NAALADL2: variants seen among roughly 807,000 people sequenced by gnomAD.
The protein encoded by NAALADL2 is N-acetylated alpha-linked acidic dipeptidase like 2.
NAALADL2 carries 76 observed loss-of-function variants against 87.2 expected under a neutral mutation model. The observed-to-expected ratio is 0.87, with a 90% CI of 0.72 to 1.05. The LOEUF is 1.05. NAALADL2 is among the 50% of genes least tolerant of loss of function. The pLI is 0.00. For missense variants in NAALADL2, 1,089 were observed against 945.8 expected (o/e 1.15, Z -1.99); for synonymous variants, 354 against 331.0 (o/e 1.07, Z -0.75).
chr3:175,756,649 T>C (rs1747298144), intron 13 of NAALADL2, among the ~76,000 whole-genome samples: 1 of 151,978 alleles, frequency 6.6e-6, no homozygotes, highest in African/African-American at 2.4e-5. Flanking sequence ...CAGAGAGAGA[T>C]AGACACTAGA....
At chr3:174,707,483 C>T (rs568643817) in intron 2 of NAALADL2, among the ~76,000 whole-genome samples, 50 of 152,196 alleles carry the variant, frequency 3.3e-4, no homozygotes, top group South Asian at 4.1e-4. Flanking sequence ...AGGATGAGTT[C>T]ATGTCCTTTG....
At chr3:175,024,352 A>G (rs546866884) in intron 1 of NAALADL2, among the ~76,000 whole-genome samples, 5 of 152,218 alleles carry the variant, frequency 3.3e-5, no homozygotes, top group Admixed American at 1.3e-4. Context: ...AGCAACAACA[A>G]CAGCAAGAAA....
intron 1 of NAALADL2, among the ~76,000 whole-genome samples, chr3:175,005,458 G>T (rs1217145912): frequency 2.6e-5 from 4 of 152,046 alleles, no homozygotes; most frequent in African/African-American, 9.7e-5. Context: ...GAACCTCCTT[G>T]TGAAAAGGGA....
At chr3:175,055,155 A>G (rs940468171) in intron 1 of NAALADL2, among the ~76,000 whole-genome samples, 3 of 152,260 alleles carry the variant, frequency 2.0e-5, no homozygotes, top group South Asian at 2.1e-4. Flanking sequence ...GGTTCACCCA[A>G]TAAGCTGCTT....
At chr3:175,492,287 G>C (rs888163985) in intron 9 of NAALADL2, among the ~76,000 whole-genome samples, 1 of 152,124 alleles carries the variant, frequency 6.6e-6, no homozygotes, top group Non-Finnish European at 1.5e-5. Flanking sequence ...TTTAGTGTAT[G>C]GAGTAGTCAA....
At chr3:174,896,263 A>G (rs975837733) in intron 1 of NAALADL2, among the ~76,000 whole-genome samples, 1 of 152,166 alleles carries the variant, frequency 6.6e-6, no homozygotes, top group Non-Finnish European at 1.5e-5. Flanking sequence ...TGATGCTATG[A>G]TCTTATATTT....
Position 175,613,214 on chromosome 3 carries a change from A to G in NAALADL2, c.1801-14077A>G, listed in dbSNP as rs1582627881. The stretch of plus-strand genomic sequence containing the variant: ...AAGAGAAAAGAGCTCTCAGTTAACC[A>G]TTTAATGACTTAACGTTATGGTACT... On this transcript the variant is annotated intron_variant, in intron 10 of 13. Coordinates refer to ENST00000454872, the MANE Select transcript of NAALADL2 (RefSeq NM_207015.3). Among the ~76,000 whole-genome samples the G allele has an allele frequency of 2.6e-5, 4 of 152,210 alleles. No individual in the cohort carries two copies. In the South Asian group the frequency reaches 8.3e-4, roughly 32 times the overall value.
At chr3:174,906,827 A>G (rs1044493928) in intron 1 of NAALADL2, among the ~76,000 whole-genome samples, 6 of 152,168 alleles carry the variant, frequency 3.9e-5, no homozygotes, top group African/African-American at 1.2e-4. Flanking sequence ...TTTGTTATGT[A>G]GCAATAGATA....
chr3:175,627,279 G>T lies in NAALADL2; in HGVS notation c.1801-12G>T. On this transcript the variant is annotated splice_polypyrimidine_tract_variant and intron_variant, in intron 10 of 13. Coordinates refer to ENST00000454872, the MANE Select transcript of NAALADL2 (RefSeq NM_207015.3). The stretch of plus-strand genomic sequence containing the variant: ...AAAGAGTTTTAAATGTTTCTTTTTT[G>T]ATTTGCCGCAGGGTCCAAGTTTTCT... The T allele has an allele frequency of 1.3e-6, 2 of 1,537,212 alleles. No homozygotes were observed. Among genetic ancestry groups the T allele is most frequent in the Admixed American group, 2.1e-5 (1 of 47,860 alleles).
chr3:175,705,361 T>C (rs1739537078), intron 11 of NAALADL2, among the ~76,000 whole-genome samples: 1 of 152,126 alleles, frequency 6.6e-6, no homozygotes, highest in Non-Finnish European at 1.5e-5. Context: ...TTTTTTTTAA[T>C]CAAAGTATTA....
intron 3 of NAALADL2, among the ~76,000 whole-genome samples, chr3:175,237,331 C>G (rs1581056191): frequency 6.6e-6 from 1 of 152,046 alleles, no homozygotes; most frequent in East Asian, 1.9e-4. Flanking sequence ...ATTTTAATAT[C>G]TTTTTCAAAT....
intron 11 of NAALADL2, among the ~76,000 whole-genome samples, chr3:175,631,138 T>C (rs1183976251): frequency 6.6e-6 from 1 of 151,736 alleles, no homozygotes; most frequent in Non-Finnish European, 1.5e-5. Context: ...TTCTAGACTT[T>C]GCTATAGATT....
chr3:175,737,938 T>C, intron 12 of NAALADL2, among the ~76,000 whole-genome samples: 1 of 152,086 alleles, frequency 6.6e-6, no homozygotes, highest in Middle Eastern at 3.4e-3. Context: ...TGAATATATC[T>C]CTCTCAGCAG....
At chr3:174,580,241 CTT>C (rs1388818653) in intron 2 of NAALADL2, among the ~76,000 whole-genome samples, 1 of 151,982 alleles carries the variant, frequency 6.6e-6, no homozygotes, top group Non-Finnish European at 1.5e-5. Context: ...AAGTTACACA[CTT>C]TTGAACATTT....
At position 175,628,609 on chromosome 3, in the gene NAALADL2, C is replaced by CTATGTGTATATA. The variant is rs10663163; in HGVS notation, c.1896+1224_1896+1225insATGTGTATATAT. ...TTTTAGTACCATTAAAATAATCTCT[C>CTATGTGTATATA]TCTCTATGTATATATATATATATAT... On this transcript the variant is annotated intron_variant, in intron 11 of 13. Coordinates refer to ENST00000454872, the MANE Select transcript of NAALADL2 (RefSeq NM_207015.3). Among the ~76,000 whole-genome samples, 366 of 132,216 alleles carry CTATGTGTATATA rather than the reference C, an allele frequency of 2.8e-3. 2 individuals carry two copies. Among genetic ancestry groups the CTATGTGTATATA allele is most frequent in the African/African-American group, 1.0e-2 (343 of 34,348 alleles). The allele number at this position is 132,216 out of a possible 152,430, so 86.7% of individuals were successfully genotyped here.
At chr3:174,554,347 A>G (rs948270353) in intron 2 of NAALADL2, among the ~76,000 whole-genome samples, 1 of 152,084 alleles carries the variant, frequency 6.6e-6, no homozygotes, top group African/African-American at 2.4e-5. Context: ...TTTAATGGTG[A>G]AATTTAATAA....
At chr3:174,721,908 G>A (rs1207133019) in intron 2 of NAALADL2, among the ~76,000 whole-genome samples, 1 of 152,088 alleles carries the variant, frequency 6.6e-6, no homozygotes, top group Non-Finnish European at 1.5e-5. Context: ...GGTCCAAGAC[G>A]CATTTCAGGA....
At chr3:174,911,839 G>A (rs552580540) in intron 1 of NAALADL2, among the ~76,000 whole-genome samples, 40 of 151,962 alleles carry the variant, frequency 2.6e-4, no homozygotes, top group East Asian at 5.8e-4. Context: ...GTATGTAAGC[G>A]GCAAGAACCA....
In NAALADL2 at chr3:174,736,870, C is replaced by A. The variant is rs532671666; in HGVS notation, c.-114-771C>A. Among the ~76,000 whole-genome samples the A allele has an allele frequency of 2.9e-3, 447 of 152,284 alleles. 2 individuals carry two copies. The highest frequency in any genetic ancestry group is 5.2e-3 in the Non-Finnish European group (353 of 68,016). Reference sequence around the variant, plus strand: ...TCCTATGCTGAGCTTCCCTCAGCCCCCTCTCAGCCTTCTTCCTGTGCTTGT... The same window carrying A: ...TCCTATGCTGAGCTTCCCTCAGCCCACTCTCAGCCTTCTTCCTGTGCTTGT... On this transcript the variant is annotated intron_variant, in intron 2 of 3. Transcript: ENST00000434257.
Sources: allele counts gnomAD v4.1 joint callset (sites outside exome capture counted in the v4.1 genomes callset), GRCh38; gene constraint gnomAD v4.1.1; transcripts MANE v1.5; gene names NCBI Gene and HGNC (gene_info 2026-07-23, HGNC 2026-07-21).